ZSCAN20: variants seen among roughly 807,000 people sequenced by gnomAD.
ZSCAN20 encodes the protein zinc finger and SCAN domain-containing protein 20.
A neutral mutation model predicts 97.1 loss-of-function variants in ZSCAN20; 39 were observed. That is an observed-to-expected ratio of 0.40 (90% CI 0.31 to 0.52). The LOEUF (loss-of-function observed/expected upper bound fraction) is 0.52. ZSCAN20 is among the 20% of genes least tolerant of loss of function. The probability of loss-of-function intolerance (pLI) is 0.49; values close to 1 mark genes in which losing one functional copy is unlikely to be tolerated. For synonymous variants in ZSCAN20, 456 were observed against 467.3 expected (o/e 0.98, Z 0.31); for missense variants, 1,115 against 1,290.4 (o/e 0.86, Z 2.08).
intron 2 of ZSCAN20, among the ~76,000 whole-genome samples, chr1:33,486,290 A>C (rs961235240): frequency 1.1e-4 from 17 of 152,216 alleles, no homozygotes; most frequent in African/African-American, 4.1e-4. Flanking sequence ...TTTACCTCTC[A>C]GAGTTGTCCA....
In ZSCAN20 at chr1:33,489,174, G is replaced by C. The variant is rs759626190; in HGVS notation, c.664G>C (p.Val222Leu). ...PKMGSVGDWE[V>L]TAESQEALGP... ...GATGGGGAGCGTTGGAGATTGGGAG[G>C]TGACAGCTGAGTCCCAGGTAAGCTG... The change falls in exon 4 of 8, where the codon GTG becomes CTG. Residue 222 changes from valine to leucine, a missense_variant. Val to Leu is a conservative substitution (Grantham distance 32). This residue lies in a region of ZSCAN20 where 508 missense variants were observed against 611.2 expected (regional missense o/e 0.83). Transcript: ENST00000684572. The C allele has an allele frequency of 6.2e-7, 1 of 1,613,790 alleles. No individual in the cohort carries two copies. Among genetic ancestry groups the C allele is most frequent in the Admixed American group, 1.7e-5 (1 of 60,012 alleles).
rs1039197632 is a variant in ZSCAN20 at position 33,497,484 on chromosome 1, G to A, written c.*2008G>A. On this transcript the variant is annotated 3_prime_UTR_variant, in exon 8 of 8. Coordinates refer to ENST00000684572, the MANE Select transcript of ZSCAN20 (RefSeq NM_001377376.1). ...GATTCAGGGTGGGGTTGTATGATGG[G>A]AGGTTGGGAACAGGGAGCTGATATT... is the stretch of plus-strand genomic sequence containing the variant. Among the ~76,000 whole-genome samples the A allele has an allele frequency of 2.0e-5, 3 of 152,218 alleles. No homozygotes were observed. Among genetic ancestry groups the A allele is most frequent in the Admixed American group, 2.0e-4 (3 of 15,284 alleles).
At chr1:33,481,187 AC>A (rs1378174905) in intron 2 of ZSCAN20, among the ~76,000 whole-genome samples, 5 of 151,570 alleles carry the variant, frequency 3.3e-5, no homozygotes, top group South Asian at 2.1e-4. Flanking sequence ...GTACCTCCCC[AC>A]CCCCCTATAT....
At chr1:33,488,958 G>A (rs574943827) in intron 3 of ZSCAN20, among the ~76,000 whole-genome samples, 157 bp from the exon 4 acceptor site, 2 of 152,290 alleles carry the variant, frequency 1.3e-5, no homozygotes, top group Admixed American at 1.3e-4. Flanking sequence ...CAGCTTAGGA[G>A]CTACACACTC....
chr1:33,494,830 G>A lies in ZSCAN20; in HGVS notation c.2486G>A (p.Gly829Glu), dbSNP rs992206379. The A allele has an allele frequency of 1.2e-6, 2 of 1,614,060 alleles. No homozygotes were observed. Among genetic ancestry groups the A allele is most frequent in the Non-Finnish European group, 1.7e-6 (2 of 1,180,036 alleles). The change falls in exon 8 of 8, where the codon GGA becomes GAA. Residue 829 changes from glycine (G) to glutamate (E), a missense_variant. Transcript: ENST00000684572. ...GNPDQCSEPG[G>E]NFAQSPSFSA... Reference sequence around the variant, plus strand: ...CCTGACCAGTGTAGTGAGCCTGGGGGAAACTTTGCCCAAAGCCCATCTTTT... The same window carrying A: ...CCTGACCAGTGTAGTGAGCCTGGGGAAAACTTTGCCCAAAGCCCATCTTTT...
chr1:33,493,679 G>A lies in ZSCAN20; in HGVS notation c.1873+64G>A. On this transcript the variant is annotated intron_variant, in intron 7 of 7. Transcript: ENST00000684572. The surrounding 1 kb of genome is among the most constrained non-coding windows in gnomAD (Gnocchi z 4.3). ...GCATGTGGAGAGAATGAGGAAGCCAGGCTCATTATCTTTTGTCTCTTAACT... is the reference window on the plus strand; with the variant it reads ...GCATGTGGAGAGAATGAGGAAGCCAAGCTCATTATCTTTTGTCTCTTAACT... The A allele has an allele frequency of 2.7e-6, 4 of 1,463,532 alleles. No individual in the cohort carries two copies. Among genetic ancestry groups the A allele is most frequent in the Admixed American group, 4.6e-5 (2 of 43,920 alleles). 90.7% of individuals were successfully genotyped at this position (1,463,532 alleles called of 1,614,324 possible). A position where few individuals can be genotyped will look rare whatever the true frequency, so the allele number is the denominator to read the frequency against.
Position 33,493,709 on chromosome 1 carries a change from G to A in ZSCAN20, c.1873+94G>A. 7.5e-7 allele frequency: 1 copy of A among 1,339,494 alleles called. No individual in the cohort carries two copies. The highest frequency in any genetic ancestry group is 1.0e-6 in the Non-Finnish European group (1 of 989,786). The allele number at this position is 1,339,494 out of a possible 1,614,324, so 83.0% of individuals were successfully genotyped here. On this transcript the variant is annotated intron_variant, in intron 7 of 7. Coordinates refer to ENST00000684572, the MANE Select transcript of ZSCAN20 (RefSeq NM_001377376.1). The surrounding 1 kb of genome is among the most constrained non-coding windows in gnomAD (Gnocchi z 4.3). ...ATTATCTTTTGTCTCTTAACTAAAA[G>A]AGAGAATGGGATTGAATGGGAAAAA...
chr1:33,495,308 G>A lies in ZSCAN20; in HGVS notation c.2964G>A (p.Lys988=). The change falls in exon 8 of 8, where the codon AAG becomes AAA. Residue 988 remains lysine (K), a synonymous_variant. Coordinates refer to ENST00000684572, the MANE Select transcript of ZSCAN20 (RefSeq NM_001377376.1). ...TTCATACGGGAGAGAAGCCGTATAAGTGCAGAGAGTGTGGGAAATGCTTTA... is the reference window on the plus strand; with the variant it reads ...TTCATACGGGAGAGAAGCCGTATAAATGCAGAGAGTGTGGGAAATGCTTTA... The part of the protein sequence containing the change: ...QRIHTGEKPY[K]CRECGKCFNQ... The A allele has an allele frequency of 6.2e-7, 1 of 1,613,022 alleles. No homozygotes were observed. The highest frequency in any genetic ancestry group is 8.5e-7 in the Non-Finnish European group (1 of 1,179,418).
rs773170011 is a variant in ZSCAN20 at position 33,495,524 on chromosome 1, T to A, written c.*48T>A. On this transcript the variant is annotated 3_prime_UTR_variant, in exon 8 of 8. Coordinates refer to ENST00000684572, the MANE Select transcript of ZSCAN20 (RefSeq NM_001377376.1). ...AGGAGGACTCAATGTATATATCTTA[T>A]ATCATAAGATGTATGCTAGAGATAA... is the stretch of plus-strand genomic sequence containing the variant. The A allele has an allele frequency of 1.4e-6, 2 of 1,423,530 alleles. No homozygotes were observed. The highest frequency in any genetic ancestry group is 3.8e-4 in the Middle Eastern group (2 of 5,330). The allele number at this position is 1,423,530 out of a possible 1,614,324, so 88.2% of individuals were successfully genotyped here.
At position 33,501,534 on chromosome 1, in the gene ZSCAN20, T is replaced by C. The variant is rs907908685; in HGVS notation, c.*6058T>C. On this transcript the variant is annotated 3_prime_UTR_variant, in exon 8 of 8. Coordinates refer to ENST00000684572, the MANE Select transcript of ZSCAN20 (RefSeq NM_001377376.1). ...TTTGCTTTCACTTCCCCATTTTCTG[T>C]TATTTTTTTTTTTTTTGTGCTGTTA... Among the ~76,000 whole-genome samples, 1 of 94,364 alleles carries C rather than the reference T, an allele frequency of 1.1e-5. No homozygotes were observed. The highest frequency in any genetic ancestry group is 2.2e-4 in the East Asian group (1 of 4,506). The allele number at this position is 94,364 out of a possible 152,430, so 61.9% of individuals were successfully genotyped here. A position where few individuals can be genotyped will look rare whatever the true frequency, so the allele number is the denominator to read the frequency against.
chr1:33,477,440 C>T (rs752102065), intron 1 of ZSCAN20, among the ~76,000 whole-genome samples: 7 of 151,890 alleles, frequency 4.6e-5, no homozygotes, highest in Admixed American at 1.3e-4. Flanking sequence ...TTATGTCACC[C>T]AGACTTGTTG....
chr1:33,490,633 G>A (rs1652557339), intron 5 of ZSCAN20, among the ~76,000 whole-genome samples: 1 of 145,948 alleles, frequency 6.9e-6, no homozygotes, highest in Non-Finnish European at 1.5e-5. Context: ...GCAGGACAGA[G>A]ACTCACTACA....
rs267598560 is a variant in ZSCAN20 at position 33,489,567 on chromosome 1, C to G, written c.731C>G (p.Pro244Arg). The G allele has an allele frequency of 2.8e-5, 45 of 1,614,110 alleles. No individual in the cohort carries two copies. The highest frequency in any genetic ancestry group is 3.3e-4 in the Middle Eastern group (2 of 6,060). Residue 244 changes from proline to arginine, a missense_variant, in exon 5 of 8, where the codon CCC becomes CGC. Pro to Arg is a moderately radical substitution (Grantham distance 103). Coordinates refer to ENST00000684572, the MANE Select transcript of ZSCAN20 (RefSeq NM_001377376.1). Reference sequence around the variant, plus strand: ...GCTGAGAAGGAGCTCTGTAAAGACCCCCCAGGAGACGACTGTGGGAACAGC... The same window carrying G: ...GCTGAGAAGGAGCTCTGTAAAGACCGCCCAGGAGACGACTGTGGGAACAGC... ...KHAEKELCKD[P>R]PGDDCGNSVC...
rs748742771 is a variant in ZSCAN20, at chr1:33,491,638, C to A, written c.1380C>A (p.Val460=). The A allele has an allele frequency of 1.2e-6, 2 of 1,613,966 alleles. No homozygotes were observed. The highest frequency in any genetic ancestry group is 1.1e-5 in the South Asian group (1 of 91,026). The change falls in exon 6 of 8, where the codon GTC becomes GTA. Residue 460 remains valine, a synonymous_variant. Transcript: ENST00000684572. This position sits in a 1 kb window ranked among gnomAD's most constrained non-coding sequence, Gnocchi z 4.3. ...MAEDCNGAGL[V]NVESTQGPRI... ...AAGACTGTAACGGTGCTGGCCTGGT[C>A]AATGTTGAGTCTACCCAGGGGCCCA...
Position 33,493,700 on chromosome 1 carries a change from T to TTTAGTTAAGAGACA in ZSCAN20, c.1873+85_1873+86insTTAGTTAAGAGACA. The TTTAGTTAAGAGACA allele has an allele frequency of 1.4e-6, 2 of 1,380,170 alleles. No individual in the cohort carries two copies. Among genetic ancestry groups the TTTAGTTAAGAGACA allele is most frequent in the Non-Finnish European group, 2.0e-6 (2 of 1,025,330 alleles). The allele number at this position is 1,380,170 out of a possible 1,614,324, so 85.5% of individuals were successfully genotyped here. On this transcript the variant is annotated intron_variant, in intron 7 of 7. Transcript: ENST00000684572. This position sits in a 1 kb window ranked among gnomAD's most constrained non-coding sequence, Gnocchi z 4.3. ...GCCAGGCTCATTATCTTTTGTCTCTTAACTAAAAGAGAGAATGGGATTGAA... is the reference window on the plus strand; with the variant it reads ...GCCAGGCTCATTATCTTTTGTCTCTTTTAGTTAAGAGACAAACTAAAAGAGAGAATGGGATTGAA...
intron 2 of ZSCAN20, among the ~76,000 whole-genome samples, chr1:33,480,230 C>G (rs35260355): frequency 1.3e-5 from 2 of 152,020 alleles, no homozygotes; most frequent in African/African-American, 4.8e-5. Flanking sequence ...AAAAGTTGGC[C>G]GGGAGTGGTG....
chr1:33,492,160 T>C (rs1035577331), intron 6 of ZSCAN20: 1 of 153,538 alleles, frequency 6.5e-6, no homozygotes, highest in Non-Finnish European at 1.4e-5. Context: ...GAATAATCAA[T>C]GTCTGGGAAA....
Position 33,489,580 on chromosome 1 carries a change from C to T in ZSCAN20, c.744C>T (p.Asp248=), listed in dbSNP as rs1167696501. 6.2e-7 allele frequency: 1 copy of T among 1,614,156 alleles called. No homozygotes were observed. Among genetic ancestry groups the T allele is most frequent in the Non-Finnish European group, 8.5e-7 (1 of 1,180,020 alleles). ...TCTGTAAAGACCCCCCAGGAGACGACTGTGGGAACAGCGTGTGCCTGGGTA... is the reference window on the plus strand; with the variant it reads ...TCTGTAAAGACCCCCCAGGAGACGATTGTGGGAACAGCGTGTGCCTGGGTA... ...KELCKDPPGD[D]CGNSVCLGVP... is the part of the protein sequence containing the mutation. Residue 248 remains aspartate (D), a synonymous_variant, in exon 5 of 8, where the codon GAC becomes GAT. Transcript: ENST00000684572.
chr1:33,490,683 A>AG (rs1652565116), intron 5 of ZSCAN20, among the ~76,000 whole-genome samples: 1 of 107,104 alleles, frequency 9.3e-6, no homozygotes, highest in South Asian at 4.0e-4. Flanking sequence ...ACACACACAC[A>AG]CCACACACCC....
Sources: allele counts gnomAD v4.1 joint callset (sites outside exome capture counted in the v4.1 genomes callset), GRCh38; gene constraint gnomAD v4.1.1; regional missense constraint gnomAD v4.1.1; non-coding constraint Gnocchi (gnomAD v3.1); transcripts MANE v1.5; gene names NCBI Gene and HGNC (gene_info 2026-07-23, HGNC 2026-07-21).